The following SH3RF3 variants were observed in gnomAD, a reference collection of about 807,000 sequenced individuals.
The protein encoded by SH3RF3 is SH3 domain containing ring finger 3.
A neutral mutation model predicts 66.3 loss-of-function variants in SH3RF3; 29 were observed. The ratio of observed to expected loss-of-function variants is 0.44; its 90% CI spans 0.33 to 0.60. SH3RF3 has a LOEUF of 0.60. SH3RF3 is among the 20% of genes least tolerant of loss of function. SH3RF3 has a pLI of 0.04. For synonymous variants in SH3RF3, 583 were observed against 532.0 expected, an observed-to-expected ratio of 1.10 and a Z score of -1.32; for missense variants, 1,194 against 1,190.9, an observed-to-expected ratio of 1.00 and a Z score of -0.04.
At position 109,195,395 on chromosome 2, in the gene SH3RF3, C is replaced by T. The variant is rs142351088; in HGVS notation, c.573+65282C>T. Among the ~76,000 whole-genome samples the T allele has an allele frequency of 9.3e-4, 141 of 152,370 alleles. 1 individual carries two copies. The Middle Eastern group carries it at 0.01, about 11-fold the overall frequency. On this transcript the variant is annotated intron_variant, in intron 1 of 9. Transcript: ENST00000309415. ...AGCTTCCCTGCCCTCTGGGACCAGG[C>T]AGGCCCTGGCCTGCGGACACCAGCG...
chr2:109,297,840 C>T (rs754961230), intron 1 of SH3RF3, among the ~76,000 whole-genome samples: 29 of 152,100 alleles, frequency 1.9e-4, no homozygotes, highest in South Asian at 2.1e-4. Context: ...ACAGTGCCCC[C>T]GACCTGGGCC....
intron 1 of SH3RF3, among the ~76,000 whole-genome samples, chr2:109,223,555 C>T (rs1310843599): frequency 2.0e-5 from 3 of 151,720 alleles, no homozygotes; most frequent in Non-Finnish European, 2.9e-5. Flanking sequence ...GGTGTGGGCA[C>T]ATGCTTCAGC....
intron 1 of SH3RF3, chr2:109,251,460 G>A: frequency 1.4e-6 from 1 of 729,180 alleles, no homozygotes; most frequent in Admixed American, 1.7e-5. Flanking sequence ...AAAAATCTAT[G>A]GACAAGAAGT....
Position 109,141,478 on chromosome 2 carries a change from CT to C in SH3RF3, c.573+11368del, listed in dbSNP as rs566890981. On this transcript the variant is annotated intron_variant, in intron 1 of 9. Coordinates refer to ENST00000309415, the MANE Select transcript of SH3RF3 (RefSeq NM_001099289.3). ...CTGCAGCACCTAGGCACATGCCTGC[CT>C]TTCCCAGTGACCAGGCCCAGCCCAG... 1.6e-3 allele frequency: 252 copies of C among 155,012 alleles called. 3 individuals carry two copies. The Middle Eastern group carries it at 0.02, about 13-fold the overall frequency. 9.6% of individuals were successfully genotyped at this position (155,012 alleles called of 1,614,324 possible).
chr2:109,349,095 C>T lies in SH3RF3; in HGVS notation c.849+1146C>T, dbSNP rs531105420. 3.3e-5 allele frequency among the ~76,000 whole-genome samples: 5 copies of T among 152,266 alleles called. No individual in the cohort carries two copies. The East Asian group carries it at 7.7e-4, about 24-fold the overall frequency. The stretch of plus-strand genomic sequence containing the variant: ...ACTAGAATTCTAACTCGAATCTCTG[C>T]TTCTAAAGCCCACATCCTTCCTGCC... On this transcript the variant is annotated intron_variant, in intron 2 of 9. Transcript: ENST00000309415.
chr2:109,337,753 G>A (rs1380875555), intron 1 of SH3RF3, among the ~76,000 whole-genome samples: 3 of 151,438 alleles, frequency 2.0e-5, no homozygotes, highest in Non-Finnish European at 4.4e-5. Flanking sequence ...TTTGAGACAG[G>A]GTTTCACTCT....
chr2:109,248,760 C>G (rs936413861), intron 1 of SH3RF3, among the ~76,000 whole-genome samples: 1 of 151,358 alleles, frequency 6.6e-6, no homozygotes, highest in African/African-American at 2.4e-5. Context: ...TTCCTTCTCT[C>G]TCTCTCTCTT....
chr2:109,298,361 C>T (rs1681375722), intron 1 of SH3RF3, among the ~76,000 whole-genome samples: 2 of 152,142 alleles, frequency 1.3e-5, no homozygotes, highest in African/African-American at 4.8e-5. Flanking sequence ...GAGCCTGGTT[C>T]AGTTTCTGCT....
chr2:109,288,448 A>G (rs1162485736), intron 1 of SH3RF3, among the ~76,000 whole-genome samples: 6 of 152,242 alleles, frequency 3.9e-5, no homozygotes, highest in African/African-American at 1.4e-4. Flanking sequence ...CGATAAAGCC[A>G]GAAAGTATGA....
chr2:109,371,749 A>G, intron 3 of SH3RF3, 68 bp downstream of exon 3: 1 of 1,379,592 alleles, frequency 7.2e-7, no homozygotes, highest in South Asian at 1.2e-5. Context: ...CAGTGGGGTC[A>G]CCTGACCTTC....
At chr2:109,136,415 C>G (rs910067132) in intron 1 of SH3RF3, among the ~76,000 whole-genome samples, 1 of 152,066 alleles carries the variant, frequency 6.6e-6, no homozygotes, top group Non-Finnish European at 1.5e-5. Flanking sequence ...AACAGGGTGT[C>G]GAGCTGAAGG....
At position 109,347,894 on chromosome 2, in the gene SH3RF3, A is replaced by T; in HGVS notation, c.794A>T (p.Tyr265Phe). The T allele has an allele frequency of 6.2e-7, 1 of 1,611,940 alleles. No individual in the cohort carries two copies. Among genetic ancestry groups the T allele is most frequent in the Non-Finnish European group, 8.5e-7 (1 of 1,179,094 alleles). ...PHAPPQGKAL[Y>F]DFEMKDKDQD... The stretch of plus-strand genomic sequence containing the variant: ...GCCCCGCCCCAGGGAAAAGCACTTT[A>T]TGATTTCGAGATGAAGGACAAAGAC... Residue 265 changes from tyrosine to phenylalanine, a missense_variant, in exon 2 of 10, where the codon TAT becomes TTT. By Grantham distance (22) the Tyr-to-Phe change is conservative. Transcript: ENST00000309415.
chr2:109,342,827 A>G (rs1002695404), intron 1 of SH3RF3, among the ~76,000 whole-genome samples: 4 of 152,364 alleles, frequency 2.6e-5, no homozygotes, highest in Admixed American at 6.5e-5. Flanking sequence ...TGTGTGTGCC[A>G]CATCTGAGTA....
intron 6 of SH3RF3, among the ~76,000 whole-genome samples, chr2:109,433,208 T>C (rs1677295688): frequency 6.6e-6 from 1 of 152,260 alleles, no homozygotes; most frequent in Non-Finnish European, 1.5e-5. Context: ...GTGTGTGCAG[T>C]GTGTGTCATC....
chr2:109,294,614 G>T (rs1681264541), intron 1 of SH3RF3, among the ~76,000 whole-genome samples: 1 of 151,032 alleles, frequency 6.6e-6, no homozygotes, highest in Non-Finnish European at 1.5e-5. Flanking sequence ...GAATTGCTGT[G>T]AGAGCCATCC....
chr2:109,413,153 C>CGCCCAGGCTGGAGTGCAGTG (rs1324464767), intron 4 of SH3RF3, among the ~76,000 whole-genome samples: 1 of 152,208 alleles, frequency 6.6e-6, no homozygotes, highest in Non-Finnish European at 1.5e-5. Context: ...CTTGCTCTGT[C>CGCCCAGGCTGGAGTGCAGTG]GCCCAGGCTG....
chr2:109,206,532 A>C (rs886561679), intron 1 of SH3RF3, among the ~76,000 whole-genome samples: 1 of 138,874 alleles, frequency 7.2e-6, no homozygotes, highest in Non-Finnish European at 1.5e-5. Context: ...GAGGAGGCTG[A>C]GTGTGGTGGC....
chr2:109,383,276 A>G (rs753976654), intron 3 of SH3RF3, among the ~76,000 whole-genome samples: 1 of 152,230 alleles, frequency 6.6e-6, no homozygotes, highest in Non-Finnish European at 1.5e-5. Flanking sequence ...CTGATTTTTC[A>G]GCTGGAACCA....
chr2:109,480,299 A>G (rs575518990), intron 8 of SH3RF3, among the ~76,000 whole-genome samples: 1 of 152,306 alleles, frequency 6.6e-6, no homozygotes. Flanking sequence ...TTTGATCCCC[A>G]CAGCCACCCT....
Sources: gnomAD v4.1 joint callset for allele counts (sites outside exome capture counted in the v4.1 genomes callset) on GRCh38, gnomAD v4.1.1 for gene constraint, MANE v1.5 for transcripts, NCBI Gene and HGNC (gene_info 2026-07-23, HGNC 2026-07-21) for gene names.